KCNC2: variants seen among roughly 807,000 people sequenced by gnomAD.
KCNC2 encodes the protein potassium voltage-gated channel subfamily C member 2.
A neutral mutation model predicts 44.5 loss-of-function variants in KCNC2; 21 were observed. The ratio of observed to expected loss-of-function variants is 0.47; its 90% CI spans 0.33 to 0.68. The LOEUF is 0.68. KCNC2 is among the 30% of genes least tolerant of loss of function. The pLI, the probability that KCNC2 is intolerant of heterozygous loss-of-function variation, is 0.01. For missense variants in KCNC2, 589 were observed against 826.2 expected, an observed-to-expected ratio of 0.71 and a Z score of 3.52; for synonymous variants, 391 against 339.1, an observed-to-expected ratio of 1.15 and a Z score of -1.68.
In KCNC2 at chr12:75,041,431, A is replaced by C; in HGVS notation, c.*1674T>G. On this transcript the variant is annotated 3_prime_UTR_variant, in exon 5 of 5. Transcript: ENST00000549446. ...AATACATGTTTCGTGGCCAATAATA[A>C]AAGTGACAATTGTCTTCCTAACAAA... 1 of 1,296,940 alleles carries C rather than the reference A, an allele frequency of 7.7e-7. No individual in the cohort carries two copies. The highest frequency in any genetic ancestry group is 9.8e-7 in the Non-Finnish European group (1 of 1,017,046). The allele number at this position is 1,296,940 out of a possible 1,614,324, so 80.3% of individuals were successfully genotyped here.
intron 2 of KCNC2, among the ~76,000 whole-genome samples, chr12:75,195,404 T>A (rs908785594): frequency 6.6e-6 from 1 of 152,140 alleles, no homozygotes; most frequent in Non-Finnish European, 1.5e-5. Context: ...GTGTTAAATC[T>A]TGTAAAAGAA....
chr12:75,069,952 A>G (rs2050130876), intron 2 of KCNC2, among the ~76,000 whole-genome samples: 1 of 152,146 alleles, frequency 6.6e-6, no homozygotes, highest in Non-Finnish European at 1.5e-5. Flanking sequence ...ATCAGAAACC[A>G]ATTAACAGGA....
At chr12:75,050,341 T>C in intron 3 of KCNC2, 49 bp downstream of exon 3, 4 of 1,307,468 alleles carry the variant, frequency 3.1e-6, no homozygotes, top group Middle Eastern at 3.8e-4. Flanking sequence ...CTAAGGAACA[T>C]ACTGGTCTAT....
chr12:75,166,077 C>T (rs1891431628), intron 2 of KCNC2, among the ~76,000 whole-genome samples: 1 of 151,072 alleles, frequency 6.6e-6, no homozygotes, highest in Non-Finnish European at 1.5e-5. Context: ...TACCACATAC[C>T]ATGCAAATAG....
intron 2 of KCNC2, among the ~76,000 whole-genome samples, chr12:75,157,682 G>A (rs990423723): frequency 1.3e-5 from 2 of 151,686 alleles, no homozygotes; most frequent in African/African-American, 4.8e-5. Context: ...GATGGAAAAA[G>A]CTTTAAAAAT....
chr12:75,143,830 A>T (rs1304356588), intron 2 of KCNC2, among the ~76,000 whole-genome samples: 1 of 152,322 alleles, frequency 6.6e-6, no homozygotes, highest in East Asian at 1.9e-4. Flanking sequence ...TGTAACTCAG[A>T]TTGAAAACTC....
At chr12:75,139,855 G>A (rs868706756) in intron 2 of KCNC2, among the ~76,000 whole-genome samples, 13 of 152,166 alleles carry the variant, frequency 8.5e-5, no homozygotes, top group African/African-American at 1.7e-4. Context: ...GAAAAACTAC[G>A]AGCAAACATA....
intron 3 of KCNC2, among the ~76,000 whole-genome samples, chr12:75,049,837 A>G (rs1453308617): frequency 4.6e-5 from 7 of 152,106 alleles, no homozygotes; most frequent in African/African-American, 1.4e-4. Context: ...CCTCCAGGAT[A>G]TTACTAGGGA....
chr12:75,207,118 ATGGTGGCCGGGGTCCC>A lies in KCNC2; in HGVS notation c.687+163_687+178del, dbSNP rs1172758636. Among the ~76,000 whole-genome samples, 1 of 152,092 alleles carries A rather than the reference ATGGTGGCCGGGGTCCC, an allele frequency of 6.6e-6. No homozygotes were observed. Among genetic ancestry groups the A allele is most frequent in the Non-Finnish European group, 1.5e-5 (1 of 68,002 alleles). The stretch of plus-strand genomic sequence containing the variant: ...AGGAGAAAGATGGGACTGGGTAGGG[ATGGTGGCCGGGGTCCC>A]TGGGTTTACCCTGCAAAGGATGAGC... On this transcript the variant is annotated intron_variant, in intron 2 of 4. Coordinates refer to ENST00000549446, the MANE Select transcript of KCNC2 (RefSeq NM_139137.4). This position sits in a 1 kb window ranked among gnomAD's most constrained non-coding sequence, Gnocchi z 4.1.
intron 2 of KCNC2, among the ~76,000 whole-genome samples, chr12:75,090,734 T>C (rs900303426): frequency 1.3e-5 from 2 of 151,636 alleles, no homozygotes; most frequent in Admixed American, 6.6e-5. Context: ...AGTTTAGAAA[T>C]TATAATTAAA....
chr12:75,167,344 T>G (rs940390168), intron 2 of KCNC2, among the ~76,000 whole-genome samples: 93 of 151,436 alleles, frequency 6.1e-4, no homozygotes, highest in African/African-American at 1.8e-3. Flanking sequence ...AAATTACTTT[T>G]GTAAATACTT....
intron 2 of KCNC2, among the ~76,000 whole-genome samples, chr12:75,077,025 T>C (rs1884049512): frequency 6.6e-6 from 1 of 152,220 alleles, no homozygotes; most frequent in African/African-American, 2.4e-5. Context: ...GTTTAAAACA[T>C]TATGTTATGG....
At chr12:75,096,791 T>C (rs75571716) in intron 2 of KCNC2, among the ~76,000 whole-genome samples, 14,092 of 152,150 alleles carry the variant, frequency 0.093, 959 homozygotes, top group Non-Finnish European at 0.13. Context: ...TAAGACAGAA[T>C]AGCTTGTAAT....
At chr12:75,187,352 T>C (rs537867266) in intron 2 of KCNC2, among the ~76,000 whole-genome samples, 1 of 152,236 alleles carries the variant, frequency 6.6e-6, no homozygotes, top group Non-Finnish European at 1.5e-5. Flanking sequence ...ATTTAAAATA[T>C]GTTTGGAAGT....
At chr12:75,044,871 T>C (rs930501490) in intron 4 of KCNC2, 5 of 151,980 alleles carry the variant, frequency 3.3e-5, no homozygotes, top group Admixed American at 6.6e-5. Flanking sequence ...TTCTGAGCTA[T>C]AAAACATGAG....
chr12:75,076,988 T>TA (rs1279224245), intron 2 of KCNC2, among the ~76,000 whole-genome samples: 1 of 150,602 alleles, frequency 6.6e-6, no homozygotes, highest in Admixed American at 6.6e-5. Context: ...GTTTGTTTTC[T>TA]AAAAAATCTT....
At chr12:75,084,978 TTAAAAA>T (rs1172895514) in intron 2 of KCNC2, among the ~76,000 whole-genome samples, 1 of 150,962 alleles carries the variant, frequency 6.6e-6, no homozygotes, top group African/African-American at 2.4e-5. Flanking sequence ...AAGAGATCAG[TTAAAAA>T]TGCAAATCAG....
At chr12:75,176,902 C>T (rs960141567) in intron 2 of KCNC2, among the ~76,000 whole-genome samples, 97 of 151,640 alleles carry the variant, frequency 6.4e-4, no homozygotes, top group African/African-American at 2.2e-3. Context: ...ATTTCAATAG[C>T]GTTCTCAATA....
chr12:75,117,918 C>A (rs1887788506), intron 2 of KCNC2, among the ~76,000 whole-genome samples: 1 of 152,130 alleles, frequency 6.6e-6, no homozygotes, highest in Non-Finnish European at 1.5e-5. Context: ...ACCCATACCA[C>A]AAATTGGTCC....
Sources: gnomAD v4.1 joint callset for allele counts (sites outside exome capture counted in the v4.1 genomes callset) on GRCh38, gnomAD v4.1.1 for gene constraint, Gnocchi (gnomAD v3.1) non-coding constraint, MANE v1.5 for transcripts, NCBI Gene and HGNC (gene_info 2026-07-23, HGNC 2026-07-21) for gene names.